PRKD1: variants seen among roughly 807,000 people sequenced by gnomAD.
PRKD1 encodes the protein protein kinase D1.
Under a neutral mutation model 95.9 loss-of-function variants are expected in PRKD1, and 63 were observed. The observed-to-expected ratio is 0.66, with a 90% CI of 0.54 to 0.81. PRKD1 has a LOEUF of 0.81. Ranked by LOEUF, PRKD1 falls within the 30% of genes least tolerant of loss-of-function variation. The pLI is 0.00. For synonymous variants in PRKD1, 425 were observed against 423.1 expected (o/e 1.00, Z -0.05); for missense variants, 1,048 against 1,165.3 (o/e 0.90, Z 1.47).
chr14:29,671,592 TTAAAC>T (rs1448148302), intron 2 of PRKD1, among the ~76,000 whole-genome samples: 2 of 126,360 alleles, frequency 1.6e-5, no homozygotes, highest in Non-Finnish European at 3.4e-5. Flanking sequence ...TAGACCATCT[TTAAAC>T]TAAAAGAAAA....
chr14:29,800,460 A>G (rs1250416591), intron 1 of PRKD1, among the ~76,000 whole-genome samples: 1 of 152,208 alleles, frequency 6.6e-6, no homozygotes, highest in Non-Finnish European at 1.5e-5. Context: ...CAATTGACAA[A>G]AAAACTTTTA....
At chr14:29,917,486 CA>C (rs963428075) in intron 1 of PRKD1, among the ~76,000 whole-genome samples, 1 of 151,354 alleles carries the variant, frequency 6.6e-6, no homozygotes, top group African/African-American at 2.4e-5. Context: ...AAACCATTTA[CA>C]AAAAAAACAG....
Position 29,904,052 on chromosome 14 carries a change from A to G in PRKD1, c.264+23197T>C, listed in dbSNP as rs1442673692. Among the ~76,000 whole-genome samples, 5 of 152,194 alleles carry G rather than the reference A, an allele frequency of 3.3e-5. No homozygotes were observed. The East Asian group carries it at 9.6e-4, about 29-fold the overall frequency. The stretch of plus-strand genomic sequence containing the variant: ...TATAAACTTGGAAACATTTGGCAAC[A>G]TAAGAAATTTAGATTTAGAAAAGTT... On this transcript the variant is annotated intron_variant, in intron 1 of 17. Transcript: ENST00000331968.
intron 1 of PRKD1, among the ~76,000 whole-genome samples, chr14:29,760,645 G>A (rs865881982): frequency 3.9e-5 from 6 of 151,958 alleles, no homozygotes; most frequent in African/African-American, 4.8e-5. Flanking sequence ...GAGCCACCAC[G>A]CCTGCCTTTT....
At chr14:29,759,608 A>C (rs567686255) in intron 1 of PRKD1, among the ~76,000 whole-genome samples, 39 of 152,218 alleles carry the variant, frequency 2.6e-4, no homozygotes, top group Non-Finnish European at 5.1e-4. Flanking sequence ...TTCTTGGATT[A>C]AGTTTGAGTG....
intron 2 of PRKD1, among the ~76,000 whole-genome samples, chr14:29,709,162 G>T (rs1449365215): frequency 6.6e-6 from 1 of 152,044 alleles, no homozygotes; most frequent in South Asian, 2.1e-4. Context: ...CATAAAGTTA[G>T]CTTACTCAGT....
intron 1 of PRKD1, among the ~76,000 whole-genome samples, chr14:29,725,883 G>C (rs965415610): frequency 2.0e-5 from 3 of 152,048 alleles, no homozygotes; most frequent in African/African-American, 7.2e-5. Flanking sequence ...AGATCACAGG[G>C]GCAGTAATGG....
At chr14:29,795,718 C>G (rs1889784232) in intron 1 of PRKD1, among the ~76,000 whole-genome samples, 1 of 152,082 alleles carries the variant, frequency 6.6e-6, no homozygotes, top group Non-Finnish European at 1.5e-5. Flanking sequence ...TTAAAACAAT[C>G]ATGTAAGACT....
At chr14:29,600,521 G>T (rs1202874547) in intron 13 of PRKD1, among the ~76,000 whole-genome samples, 5 of 152,112 alleles carry the variant, frequency 3.3e-5, no homozygotes, top group Non-Finnish European at 7.3e-5. Flanking sequence ...GTATCTGTGG[G>T]TTCTGCATCC....
At chr14:29,754,954 A>G (rs1213607414) in intron 1 of PRKD1, among the ~76,000 whole-genome samples, 8 of 152,046 alleles carry the variant, frequency 5.3e-5, no homozygotes, top group Non-Finnish European at 1.0e-4. Flanking sequence ...TACATTATCT[A>G]TTATATTTTT....
chr14:29,759,811 A>C (rs1211164559), intron 1 of PRKD1, among the ~76,000 whole-genome samples: 1 of 152,222 alleles, frequency 6.6e-6, no homozygotes, highest in Non-Finnish European at 1.5e-5. Context: ...CGTCAAATGA[A>C]AACTCTCAAG....
chr14:29,846,989 C>G (rs1892102556), intron 1 of PRKD1, among the ~76,000 whole-genome samples: 2 of 152,190 alleles, frequency 1.3e-5, no homozygotes. Context: ...TAGAGACCAA[C>G]TGCAGGGTCG....
chr14:29,915,155 A>G (rs1190463378), intron 1 of PRKD1, among the ~76,000 whole-genome samples: 1 of 152,212 alleles, frequency 6.6e-6, no homozygotes, highest in Non-Finnish European at 1.5e-5. Flanking sequence ...TTGAACCACA[A>G]TGATCAATAT....
At chr14:29,642,031 G>C (rs1223240135) in intron 4 of PRKD1, among the ~76,000 whole-genome samples, 1 of 149,918 alleles carries the variant, frequency 6.7e-6, no homozygotes, top group African/African-American at 2.5e-5. Context: ...AGCCTCCCAA[G>C]TAGCTGGGAT....
At chr14:29,848,172 T>C (rs1348918924) in intron 1 of PRKD1, among the ~76,000 whole-genome samples, 2 of 152,116 alleles carry the variant, frequency 1.3e-5, no homozygotes, top group African/African-American at 2.4e-5. Context: ...ATACAGCTTA[T>C]AGGAGCCAAG....
chr14:29,849,548 G>T (rs1452655347), intron 1 of PRKD1, among the ~76,000 whole-genome samples: 1 of 150,292 alleles, frequency 6.7e-6, no homozygotes, highest in African/African-American at 2.5e-5. Context: ...AACTGAATCA[G>T]TGAAGTAAAA....
chr14:29,926,228 G>A (rs1895290215), intron 1 of PRKD1, among the ~76,000 whole-genome samples: 1 of 152,172 alleles, frequency 6.6e-6, no homozygotes, highest in Admixed American at 6.5e-5. Flanking sequence ...GATTATTCAA[G>A]TGATAATTAG....
At chr14:29,611,694 T>C (rs1878477749) in intron 13 of PRKD1, among the ~76,000 whole-genome samples, 1 of 151,714 alleles carries the variant, frequency 6.6e-6, no homozygotes, top group African/African-American at 2.4e-5. Context: ...CTTCACACCA[T>C]TATTGGGTTT....
chr14:29,739,025 AG>A (rs1280487880), intron 1 of PRKD1, among the ~76,000 whole-genome samples: 1 of 151,932 alleles, frequency 6.6e-6, no homozygotes, highest in Non-Finnish European at 1.5e-5. Flanking sequence ...TAGTAGAGAC[AG>A]GGTTTCACCA....
Sources: gnomAD v4.1 joint callset for allele counts (sites outside exome capture counted in the v4.1 genomes callset) on GRCh38, gnomAD v4.1.1 for gene constraint, MANE v1.5 for transcripts, NCBI Gene and HGNC (gene_info 2026-07-23, HGNC 2026-07-21) for gene names.